The following ABHD2 variants were observed in gnomAD, a reference collection of about 807,000 sequenced individuals.
The protein encoded by ABHD2 is abhydrolase domain containing 2, acylglycerol lipase.
ABHD2 carries 20 observed loss-of-function variants against 48.1 expected under a neutral mutation model. The observed-to-expected ratio is 0.42, with a 90% CI of 0.29 to 0.60. The LOEUF is 0.60. ABHD2 is among the 20% of genes least tolerant of loss of function. The pLI is 0.24. For missense variants in ABHD2, 405 were observed against 550.9 expected (o/e 0.74, Z 2.65); for synonymous variants, 209 against 214.2 (o/e 0.98, Z 0.21).
intron 3 of ABHD2, among the ~76,000 whole-genome samples, chr15:89,143,877 C>T (rs1028676955): frequency 6.6e-6 from 1 of 151,864 alleles, no homozygotes; most frequent in Non-Finnish European, 1.5e-5. Flanking sequence ...CAATGGACAA[C>T]AGCAACTGTT....
At chr15:89,076,619 G>T in the ABHD2 span, among the ~76,000 whole-genome samples, 1 of 152,070 alleles carries the variant, frequency 6.6e-6, no homozygotes, top group Admixed American at 6.6e-5. Context: ...AAGTAGCTGG[G>T]ACTACAGGTG....
At chr15:89,178,046 G>A (rs576280396) in intron 6 of ABHD2, among the ~76,000 whole-genome samples, 123 of 152,304 alleles carry the variant, frequency 8.1e-4, no homozygotes, top group African/African-American at 2.9e-3. Context: ...TGCAGACATA[G>A]CCTACACAGC....
Position 89,107,526 on chromosome 15 carries a change from C to T in ABHD2, c.-106-6199C>T, listed in dbSNP as rs370025981. On this transcript the variant is annotated intron_variant, in intron 1 of 10. Coordinates refer to ENST00000352732, the MANE Select transcript of ABHD2 (RefSeq NM_152924.5). ...AGTTTAATAGTGGAGATGGTAATAG[C>T]GAATATTTTGCGGTAGTACCCCAAA... Among the ~76,000 whole-genome samples the T allele has an allele frequency of 1.6e-3, 245 of 152,062 alleles. 2 individuals carry two copies. The highest frequency in any genetic ancestry group is 5.5e-3 in the African/African-American group (228 of 41,450).
Position 89,193,306 on chromosome 15 carries a change from A to G in ABHD2, c.1068A>G (p.Pro356=). The stretch of plus-strand genomic sequence containing the variant: ...TGCATGAAAGTCTTCTAACCATTCC[A>G]AAATCTCTTTCAGGTAAGTGTTTCT... ...PLVHESLLTI[P]KSLSEKRENV... Residue 356 remains proline (P), a synonymous_variant, in exon 10 of 11, where the codon CCA becomes CCG. Coordinates refer to ENST00000352732, the MANE Select transcript of ABHD2 (RefSeq NM_152924.5). 6.2e-7 allele frequency: 1 copy of G among 1,614,122 alleles called. No homozygotes were observed. Among genetic ancestry groups the G allele is most frequent in the Non-Finnish European group, 8.5e-7 (1 of 1,179,944 alleles).
the ABHD2 span, among the ~76,000 whole-genome samples, chr15:89,056,166 T>G: frequency 6.6e-6 from 1 of 152,228 alleles, no homozygotes; most frequent in African/African-American, 2.4e-5. Flanking sequence ...TTTTTGCTTT[T>G]AATTAAAATT....
intron 3 of ABHD2, chr15:89,136,388 G>T: frequency 1.9e-6 from 1 of 521,318 alleles, no homozygotes; most frequent in South Asian, 1.4e-5. Flanking sequence ...CTGAGGAGTT[G>T]ACTGAAGCAT....
At chr15:89,109,127 A>G (rs550052270) in intron 1 of ABHD2, among the ~76,000 whole-genome samples, 3 of 152,300 alleles carry the variant, frequency 2.0e-5, no homozygotes, top group Non-Finnish European at 4.4e-5. Flanking sequence ...TTCTCACTCT[A>G]TCTGTGCCTC....
chr15:89,069,117 CTTTTCTTTTT>C, the ABHD2 span, among the ~76,000 whole-genome samples: 10 of 120,122 alleles, frequency 8.3e-5, no homozygotes, highest in South Asian at 1.1e-3. Context: ...CTTTTCTTTT[CTTTTCTTTTT>C]TTTTTTTTTT....
rs2049715026 is a variant in ABHD2, at chr15:89,102,410, G to A, written c.-106-11315G>A. ...TAGCCCCCACAGAGGTTAGAGTGATGTCTTTCGTCCCTGTGGGGAGTGAGG... is the reference window on the plus strand; with the variant it reads ...TAGCCCCCACAGAGGTTAGAGTGATATCTTTCGTCCCTGTGGGGAGTGAGG... On this transcript the variant is annotated intron_variant, in intron 1 of 10. Transcript: ENST00000352732. This position sits in a 1 kb window ranked among gnomAD's most constrained non-coding sequence, Gnocchi z 4.8. 6.6e-6 allele frequency: 1 copy of A among 152,248 alleles called. No individual in the cohort carries two copies. The highest frequency in any genetic ancestry group is 1.5e-5 in the Non-Finnish European group (1 of 68,058). The allele number at this position is 152,248 out of a possible 1,614,324, so 9.4% of individuals were successfully genotyped here. A position where few individuals can be genotyped will look rare whatever the true frequency, so the allele number is the denominator to read the frequency against.
chr15:89,122,727 G>A (rs552282506), intron 3 of ABHD2, among the ~76,000 whole-genome samples: 1 of 152,348 alleles, frequency 6.6e-6, no homozygotes, highest in East Asian at 1.9e-4. Flanking sequence ...CAGGCAGCAG[G>A]TGCCCTGTCT....
At chr15:89,180,670 G>A (rs2051095099) in intron 6 of ABHD2, among the ~76,000 whole-genome samples, 1 of 152,150 alleles carries the variant, frequency 6.6e-6, no homozygotes, top group Non-Finnish European at 1.5e-5. Context: ...CAGAGGCCCG[G>A]CTGTGCAAGG....
chr15:89,135,447 C>T, intron 3 of ABHD2: 1 of 671,146 alleles, frequency 1.5e-6, no homozygotes, highest in Middle Eastern at 4.2e-4. Flanking sequence ...ACAAATCTTA[C>T]ACAGCCTTAC....
chr15:89,093,870 C>T (rs1254902771), intron 1 of ABHD2: 1 of 152,238 alleles, frequency 6.6e-6, no homozygotes, highest in Admixed American at 6.5e-5. Context: ...AAAATAACCA[C>T]ACTGATTTAA....
chr15:89,042,269 C>T, the ABHD2 span, among the ~76,000 whole-genome samples: 3 of 152,176 alleles, frequency 2.0e-5, no homozygotes, highest in Admixed American at 2.0e-4. Flanking sequence ...TAGGACCACT[C>T]AGTGACACTA....
At chr15:89,142,922 G>C (rs1262403860) in intron 3 of ABHD2, among the ~76,000 whole-genome samples, 2 of 152,064 alleles carry the variant, frequency 1.3e-5, no homozygotes, top group African/African-American at 4.8e-5. Context: ...TTTCATCAGA[G>C]TTAGGCTAAC....
rs1216962405 is a variant in ABHD2 at position 89,176,304 on chromosome 15, G to T, written c.722+309G>T. 6.6e-6 allele frequency among the ~76,000 whole-genome samples: 1 copy of T among 152,132 alleles called. No individual in the cohort carries two copies. The highest frequency in any genetic ancestry group is 1.5e-5 in the Non-Finnish European group (1 of 68,026). On this transcript the variant is annotated intron_variant, in intron 6 of 10. Coordinates refer to ENST00000352732, the MANE Select transcript of ABHD2 (RefSeq NM_152924.5). The surrounding 1 kb of genome is among the most constrained non-coding windows in gnomAD (Gnocchi z 4.5). ...GGTGACTTAATTTGTTCAGGCTTCAGGAGTTTTTATAGAAACGTGGATTAA... is the reference window on the plus strand; with the variant it reads ...GGTGACTTAATTTGTTCAGGCTTCATGAGTTTTTATAGAAACGTGGATTAA...
Position 89,195,435 on chromosome 15 carries a change from T to G in ABHD2, c.*12T>G. The G allele has an allele frequency of 6.2e-7, 1 of 1,611,308 alleles. No individual in the cohort carries two copies. The highest frequency in any genetic ancestry group is 8.5e-7 in the Non-Finnish European group (1 of 1,178,836). The stretch of plus-strand genomic sequence containing the variant: ...CCGACCTGGAGTGAGGCCTCCGGAC[T>G]CTGGCACGCTCCAGCAGCCCTCCTC... On this transcript the variant is annotated 3_prime_UTR_variant, in exon 11 of 11. Transcript: ENST00000352732. This position sits in a 1 kb window ranked among gnomAD's most constrained non-coding sequence, Gnocchi z 5.1.
At chr15:89,105,374 A>G (rs1290851817) in intron 1 of ABHD2, among the ~76,000 whole-genome samples, 1 of 152,232 alleles carries the variant, frequency 6.6e-6, no homozygotes, top group Non-Finnish European at 1.5e-5. Flanking sequence ...GTTTTCCTGC[A>G]TTGGGTAACT....
the ABHD2 span, among the ~76,000 whole-genome samples, chr15:89,070,390 C>T: frequency 3.3e-5 from 5 of 152,294 alleles, no homozygotes; most frequent in African/African-American, 9.6e-5. Flanking sequence ...CACAAGCTAC[C>T]GTAGTATCCC....
Sources: allele counts gnomAD v4.1 joint callset (sites outside exome capture counted in the v4.1 genomes callset), GRCh38; gene constraint gnomAD v4.1.1; non-coding constraint Gnocchi (gnomAD v3.1); transcripts MANE v1.5; gene names NCBI Gene and HGNC (gene_info 2026-07-23, HGNC 2026-07-21).